Variants in NRG3 observed in about 807,000 individuals in gnomAD.
The protein encoded by NRG3 is neuregulin 3.
A neutral mutation model predicts 66.9 loss-of-function variants in NRG3; 31 were observed. The ratio of observed to expected loss-of-function variants is 0.46; its 90% CI spans 0.35 to 0.63. The LOEUF is 0.63. Ranked by LOEUF, NRG3 falls within the 20% of genes least tolerant of loss-of-function variation. The pLI, the probability that NRG3 is intolerant of heterozygous loss-of-function variation, is 0.00. For synonymous variants in NRG3, 393 were observed against 359.4 expected, an observed-to-expected ratio of 1.09 and a Z score of -1.06; for missense variants, 910 against 878.9, an observed-to-expected ratio of 1.04 and a Z score of -0.45.
chr10:82,428,419 C>A (rs555818487), intron 2 of NRG3, among the ~76,000 whole-genome samples: 7 of 151,790 alleles, frequency 4.6e-5, no homozygotes, highest in African/African-American at 1.7e-4. Context: ...TTTCCTAATT[C>A]CCCTTGTGAA....
At position 82,187,570 on chromosome 10, in the gene NRG3, C is replaced by T. The variant is rs546812299; in HGVS notation, c.824-171169C>T. Reference sequence around the variant, plus strand: ...AGTGAGAAGGATAAAACCCAGGATTCGTCACCATCATTTCAAACCAGATAC... The same window carrying T: ...AGTGAGAAGGATAAAACCCAGGATTTGTCACCATCATTTCAAACCAGATAC... On this transcript the variant is annotated intron_variant, in intron 1 of 8. Transcript: ENST00000372141. Among the ~76,000 whole-genome samples, 66 of 152,184 alleles carry T rather than the reference C, an allele frequency of 4.3e-4. 1 individual carries two copies. Among genetic ancestry groups the T allele is most frequent in the African/African-American group, 1.4e-3 (60 of 41,536 alleles).
intron 1 of NRG3, among the ~76,000 whole-genome samples, chr10:82,140,481 T>C (rs1019986764): frequency 6.6e-6 from 1 of 152,208 alleles, no homozygotes; most frequent in East Asian, 1.9e-4. Flanking sequence ...CAATTTTGTT[T>C]GGCAATGGCA....
At chr10:82,660,300 G>GTTTGCTATT (rs1344957653) in intron 2 of NRG3, among the ~76,000 whole-genome samples, 1 of 148,454 alleles carries the variant, frequency 6.7e-6, no homozygotes, top group Non-Finnish European at 1.5e-5. Flanking sequence ...CTGCCTCCAG[G>GTTTGCTATT]TTTGCTATTT....
intron 4 of NRG3, among the ~76,000 whole-genome samples, chr10:82,945,053 C>A (rs1226818005): frequency 6.6e-6 from 1 of 152,156 alleles, no homozygotes. Flanking sequence ...ACCCTGGAAG[C>A]TTCTGCAGCA....
chr10:82,702,731 G>A (rs2055982592), intron 2 of NRG3, among the ~76,000 whole-genome samples: 1 of 152,092 alleles, frequency 6.6e-6, no homozygotes, highest in African/African-American at 2.4e-5. Flanking sequence ...AGGGACACAC[G>A]AGTCCTTTGA....
chr10:82,954,938 A>G (rs1198662830), intron 5 of NRG3, among the ~76,000 whole-genome samples: 1 of 151,776 alleles, frequency 6.6e-6, no homozygotes, highest in Non-Finnish European at 1.5e-5. Context: ...ATATGCATAT[A>G]CATTTTTTAC....
At chr10:82,155,509 C>T (rs577838541) in intron 1 of NRG3, among the ~76,000 whole-genome samples, 272 of 151,728 alleles carry the variant, frequency 1.8e-3, no homozygotes, top group African/African-American at 6.0e-3. Context: ...CCATTGGGCC[C>T]CAGGCTTCAT....
intron 1 of NRG3, among the ~76,000 whole-genome samples, chr10:82,002,643 G>A (rs145123853): frequency 5.3e-5 from 8 of 152,244 alleles, no homozygotes; most frequent in East Asian, 1.9e-4. Flanking sequence ...CATGCTTGGC[G>A]TAGTGTGGAT....
At chr10:82,685,145 C>CA (rs879432528) in intron 2 of NRG3, among the ~76,000 whole-genome samples, 8 of 152,000 alleles carry the variant, frequency 5.3e-5, no homozygotes, top group Non-Finnish European at 2.9e-5. Flanking sequence ...AGGCCCCCCC[C>CA]AAAACTTAAC....
chr10:82,026,527 A>G (rs1042551285), intron 1 of NRG3, among the ~76,000 whole-genome samples: 1 of 152,022 alleles, frequency 6.6e-6, no homozygotes, highest in Non-Finnish European at 1.5e-5. Context: ...TTGATTCTTA[A>G]TCACAGCAAT....
At chr10:82,767,720 T>C (rs138607766) in intron 3 of NRG3, among the ~76,000 whole-genome samples, 2 of 152,242 alleles carry the variant, frequency 1.3e-5, no homozygotes, top group East Asian at 3.9e-4. Context: ...TCTTTTTATC[T>C]TAACTATAAC....
chr10:81,936,347 A>C (rs1479963357), intron 1 of NRG3, among the ~76,000 whole-genome samples: 1 of 152,170 alleles, frequency 6.6e-6, no homozygotes, highest in African/African-American at 2.4e-5. Flanking sequence ...TATTCCCAAC[A>C]GTTGCATAAG....
intron 2 of NRG3, among the ~76,000 whole-genome samples, chr10:82,662,402 A>T (rs964177037): frequency 1.3e-5 from 2 of 152,104 alleles, no homozygotes; most frequent in African/African-American, 4.8e-5. Flanking sequence ...CAATTCACAG[A>T]TTGTATTTAT....
chr10:82,602,240 C>G (rs1006799896), intron 2 of NRG3, among the ~76,000 whole-genome samples: 1 of 152,040 alleles, frequency 6.6e-6, no homozygotes, highest in Non-Finnish European at 1.5e-5. Flanking sequence ...CTCTGGCCTA[C>G]TGGGTTTGCA....
intron 1 of NRG3, among the ~76,000 whole-genome samples, chr10:82,041,024 A>T (rs1261005429): frequency 6.6e-6 from 1 of 152,062 alleles, no homozygotes. Context: ...TGATTTTAGG[A>T]AGGACCAAAT....
At chr10:82,054,715 G>T (rs1345469611) in intron 1 of NRG3, among the ~76,000 whole-genome samples, 39 of 152,018 alleles carry the variant, frequency 2.6e-4, no homozygotes, top group Admixed American at 2.5e-3. Context: ...AATCAGAAAA[G>T]TCTAGTATTG....
chr10:82,560,947 G>A (rs893526778), intron 2 of NRG3, among the ~76,000 whole-genome samples: 47 of 151,916 alleles, frequency 3.1e-4, no homozygotes, highest in African/African-American at 1.1e-3. Flanking sequence ...GTTCTACCTG[G>A]TAGTATTTAT....
At chr10:82,395,896 A>G (rs915285990) in intron 2 of NRG3, among the ~76,000 whole-genome samples, 1 of 152,240 alleles carries the variant, frequency 6.6e-6, no homozygotes, top group African/African-American at 2.4e-5. Context: ...TGCTCTTACC[A>G]TTAGATATAG....
chr10:82,827,622 T>C (rs2062302256), intron 3 of NRG3, among the ~76,000 whole-genome samples: 1 of 152,216 alleles, frequency 6.6e-6, no homozygotes, highest in African/African-American at 2.4e-5. Flanking sequence ...TCTGCTGTTT[T>C]TGATGTTTTT....
Sources: allele counts gnomAD v4.1 joint callset (sites outside exome capture counted in the v4.1 genomes callset), GRCh38; gene constraint gnomAD v4.1.1; transcripts MANE v1.5; gene names NCBI Gene and HGNC (gene_info 2026-07-23, HGNC 2026-07-21).